SYT2: variants seen among roughly 807,000 people sequenced by gnomAD.
SYT2 encodes the protein synaptotagmin 2.
SYT2 carries 15 observed loss-of-function variants against 39.9 expected under a neutral mutation model. The observed-to-expected ratio is 0.38, with a 90% CI of 0.25 to 0.58. The LOEUF (loss-of-function observed/expected upper bound fraction) is 0.58, where lower values mean the gene tolerates loss of function less well. SYT2 is among the 20% of genes least tolerant of loss of function. The pLI is 0.70. For missense variants in SYT2, 389 were observed against 530.3 expected (o/e 0.73, Z 2.62); for synonymous variants, 181 against 204.5 (o/e 0.89, Z 0.98).
intron 1 of SYT2, among the ~76,000 whole-genome samples, chr1:202,691,762 A>G (rs1653839874): frequency 7.5e-6 from 1 of 133,308 alleles, no homozygotes; most frequent in East Asian, 2.3e-4. Context: ...AGAGAGAGAG[A>G]GAGAGAGAGA....
chr1:202,668,642 T>G (rs1692525100), intron 1 of SYT2, among the ~76,000 whole-genome samples: 1 of 152,238 alleles, frequency 6.6e-6, no homozygotes, highest in East Asian at 1.9e-4. Flanking sequence ...AGGAGAATAA[T>G]AATTCCTTGC....
At chr1:202,621,175 A>C (rs1691193038) in intron 1 of SYT2, among the ~76,000 whole-genome samples, 1 of 152,198 alleles carries the variant, frequency 6.6e-6, no homozygotes, top group African/African-American at 2.4e-5. Flanking sequence ...CTGTATCTTT[A>C]AATTTTTGAA....
chr1:202,676,864 T>A (rs1378180683), intron 1 of SYT2, among the ~76,000 whole-genome samples: 2 of 152,234 alleles, frequency 1.3e-5, no homozygotes, highest in African/African-American at 2.4e-5. Context: ...AAATCTCATG[T>A]CTAATTGTAA....
chr1:202,604,355 G>A (rs753300617), intron 3 of SYT2, 100 bp downstream of exon 3: 5 of 1,237,062 alleles, frequency 4.0e-6, no homozygotes, highest in African/African-American at 1.5e-5. Context: ...AGGGGAGCAG[G>A]TTTGGCTGTG....
chr1:202,624,085 T>C lies in SYT2; in HGVS notation c.-17-18296A>G, dbSNP rs186049510. On this transcript the variant is annotated intron_variant, in intron 1 of 8. Transcript: ENST00000367268. ...CCCTCTAAGGGATGGGTTTAGAGGT[T>C]TGGCACGAAAGCAAAAGCCTTTTAA... Among the ~76,000 whole-genome samples the C allele has an allele frequency of 1.3e-3, 191 of 152,290 alleles. 1 individual carries two copies. Among genetic ancestry groups the C allele is most frequent in the African/African-American group, 4.3e-3 (179 of 41,536 alleles).
Position 202,594,286 on chromosome 1 carries a change from T to C in SYT2, c.*2471A>G, listed in dbSNP as rs1690216069. 1.3e-5 allele frequency: 2 copies of C among 151,798 alleles called. No homozygotes were observed. Among genetic ancestry groups the C allele is most frequent in the Non-Finnish European group, 2.9e-5 (2 of 68,022 alleles). 9.4% of individuals were successfully genotyped at this position (151,798 alleles called of 1,614,324 possible). A position where few individuals can be genotyped will look rare whatever the true frequency, so the allele number is the denominator to read the frequency against. Reference sequence around the variant, plus strand: ...ACATAGACACCCAGACCACCAGAGGTTCCTACCATTGCCTTTCCTCCCTGT... The same window carrying C: ...ACATAGACACCCAGACCACCAGAGGCTCCTACCATTGCCTTTCCTCCCTGT... On this transcript the variant is annotated 3_prime_UTR_variant, in exon 9 of 9. Coordinates refer to ENST00000367268, the MANE Select transcript of SYT2 (RefSeq NM_177402.5).
intron 1 of SYT2, among the ~76,000 whole-genome samples, chr1:202,629,872 G>GT (rs977837226): frequency 8.0e-6 from 1 of 125,280 alleles, no homozygotes; most frequent in East Asian, 2.6e-4. Flanking sequence ...GCTGGTGGGG[G>GT]GGGGGGGGTG....
At chr1:202,652,790 T>C (rs1446975440) in intron 1 of SYT2, among the ~76,000 whole-genome samples, 1 of 152,210 alleles carries the variant, frequency 6.6e-6, no homozygotes, top group Non-Finnish European at 1.5e-5. Flanking sequence ...TGCCTTGTGC[T>C]AACTGTGTGA....
intron 1 of SYT2, among the ~76,000 whole-genome samples, chr1:202,629,245 G>T (rs1272755800): frequency 6.6e-6 from 1 of 152,138 alleles, no homozygotes; most frequent in Non-Finnish European, 1.5e-5. Flanking sequence ...TGGCCTTCTT[G>T]ATGCCCACCT....
In SYT2 at chr1:202,626,423, T is replaced by TTTTTA. The variant is rs1270020109; in HGVS notation, c.-17-20635_-17-20634insTAAAA. 1.6e-3 allele frequency among the ~76,000 whole-genome samples: 219 copies of TTTTTA among 140,328 alleles called. 4 individuals are homozygous for TTTTTA. Among genetic ancestry groups the TTTTTA allele is most frequent in the African/African-American group, 5.7e-3 (205 of 35,908 alleles). 92.1% of individuals were successfully genotyped at this position (140,328 alleles called of 152,430 possible). ...CTTTTTTTTTTTTTTTTTTTTTTTT[T>TTTTTA]TTTGAGACAGGGTCTCACTCTGTCA... On this transcript the variant is annotated intron_variant, in intron 1 of 8. Coordinates refer to ENST00000367268, the MANE Select transcript of SYT2 (RefSeq NM_177402.5).
intron 1 of SYT2, among the ~76,000 whole-genome samples, chr1:202,700,165 C>T (rs1425074504): frequency 6.6e-6 from 1 of 152,126 alleles, no homozygotes; most frequent in East Asian, 1.9e-4. Context: ...GGAGCCTCAT[C>T]CCCAGAGGCC....
chr1:202,678,541 G>A (rs575620441), intron 1 of SYT2, among the ~76,000 whole-genome samples: 8 of 151,956 alleles, frequency 5.3e-5, no homozygotes, highest in African/African-American at 1.2e-4. Context: ...GTTTTCATAC[G>A]GCTCCCTTAA....
chr1:202,602,433 G>A lies in SYT2; in HGVS notation c.578C>T (p.Thr193Ile), dbSNP rs779589899. ...LLPDKKKKYETKVHRKTLNPA... is the reference protein window; with the variant it reads ...LLPDKKKKYEIKVHRKTLNPA... ...GTTCAGTGTCTTCCGATGGACTTTG[G>A]TCTCATATTTCTTCTTCTTGTCAGG... Residue 193 changes from threonine to isoleucine, a missense_variant, in exon 5 of 9, where the codon ACC becomes ATC. By Grantham distance (89) the Thr-to-Ile change is moderately conservative. Coordinates refer to ENST00000367268, the MANE Select transcript of SYT2 (RefSeq NM_177402.5). The A allele has an allele frequency of 6.2e-7, 1 of 1,614,190 alleles. No homozygotes were observed.
intron 1 of SYT2, among the ~76,000 whole-genome samples, chr1:202,675,327 G>C (rs1376149974): frequency 6.6e-6 from 1 of 150,882 alleles, no homozygotes; most frequent in Admixed American, 6.6e-5. Context: ...TGAGCTTACA[G>C]TCTTGTGGGA....
chr1:202,623,183 C>G lies in SYT2; in HGVS notation c.-17-17394G>C, dbSNP rs1473593238. Among the ~76,000 whole-genome samples, 1 of 152,210 alleles carries G rather than the reference C, an allele frequency of 6.6e-6. No homozygotes were observed. The highest frequency in any genetic ancestry group is 2.4e-5 in the African/African-American group (1 of 41,434). ...TCTGCCACCCCAGCCAGGATCACAA[C>G]TTGAAACAGGACAGAGAAGCCCGCC... On this transcript the variant is annotated intron_variant, in intron 1 of 8. Coordinates refer to ENST00000367268, the MANE Select transcript of SYT2 (RefSeq NM_177402.5). This position sits in a 1 kb window ranked among gnomAD's most constrained non-coding sequence, Gnocchi z 4.2.
chr1:202,619,837 C>T (rs1343377383), intron 1 of SYT2, among the ~76,000 whole-genome samples: 2 of 152,222 alleles, frequency 1.3e-5, no homozygotes, highest in African/African-American at 4.8e-5. Context: ...GTTCAATCAC[C>T]ATAGCTCTGT....
In SYT2 at chr1:202,697,719, G is replaced by A. The variant is rs183440614; in HGVS notation, c.-18+12539C>T. Reference sequence around the variant, plus strand: ...ACACACAGCAACTATGTGTGCTGATGAGTGTGCTGATTAATTTGATTGTAA... The same window carrying A: ...ACACACAGCAACTATGTGTGCTGATAAGTGTGCTGATTAATTTGATTGTAA... On this transcript the variant is annotated intron_variant, in intron 1 of 8. Coordinates refer to ENST00000367268, the MANE Select transcript of SYT2 (RefSeq NM_177402.5). Among the ~76,000 whole-genome samples the A allele has an allele frequency of 2.9e-4, 44 of 152,358 alleles. 1 individual carries two copies. In the East Asian group the frequency reaches 6.4e-3, roughly 22 times the overall value.
intron 1 of SYT2, among the ~76,000 whole-genome samples, chr1:202,637,186 C>T (rs1443667878): frequency 6.6e-6 from 1 of 151,996 alleles, no homozygotes; most frequent in African/African-American, 2.4e-5. Context: ...CAAAGAAAAA[C>T]CTCCCAAAAC....
intron 1 of SYT2, among the ~76,000 whole-genome samples, chr1:202,678,589 T>C (rs544194724): frequency 6.6e-6 from 1 of 152,224 alleles, no homozygotes; most frequent in Admixed American, 6.5e-5. Flanking sequence ...TTCAGTCTCT[T>C]TCTCTGGGGC....
Sources: gnomAD v4.1 joint callset for allele counts (sites outside exome capture counted in the v4.1 genomes callset) on GRCh38, gnomAD v4.1.1 for gene constraint, Gnocchi (gnomAD v3.1) non-coding constraint, MANE v1.5 for transcripts, NCBI Gene and HGNC (gene_info 2026-07-23, HGNC 2026-07-21) for gene names.